The following PPP2R2B variants were observed in gnomAD, a reference collection of about 807,000 sequenced individuals.
PPP2R2B encodes the protein serine/threonine-protein phosphatase 2A 55 kDa regulatory subunit B beta isoform.
In PPP2R2B, 5 loss-of-function variants were observed where a neutral mutation model predicts 46.0. The ratio of observed to expected loss-of-function variants is 0.11; its 90% CI spans 0.06 to 0.23. The LOEUF is 0.23. Ranked by LOEUF, PPP2R2B falls within the 10% of genes least tolerant of loss-of-function variation. The pLI is 1.00. For synonymous variants in PPP2R2B, 215 were observed against 206.7 expected (o/e 1.04, Z -0.34); for missense variants, 367 against 575.0 (o/e 0.64, Z 3.70).
intron 2 of PPP2R2B, among the ~76,000 whole-genome samples, chr5:146,761,357 C>T (rs1754153118): frequency 6.6e-6 from 1 of 152,160 alleles, no homozygotes; most frequent in Admixed American, 6.5e-5. Flanking sequence ...AGTTCATGTC[C>T]TTTGTAGGGA....
intron 1 of PPP2R2B, among the ~76,000 whole-genome samples, chr5:146,924,452 G>A (rs1012844483): frequency 5.9e-5 from 9 of 152,010 alleles, no homozygotes; most frequent in Non-Finnish European, 1.2e-4. Flanking sequence ...GTGAAGGATG[G>A]GCCCTTCCCA....
At chr5:146,617,222 TG>T (rs1265383747) in intron 7 of PPP2R2B, among the ~76,000 whole-genome samples, 2 of 151,910 alleles carry the variant, frequency 1.3e-5, no homozygotes, top group African/African-American at 4.8e-5. Flanking sequence ...TACCAGAGGT[TG>T]GGGGGCAGGG....
chr5:146,998,411 T>TTGCCAGCCC (rs1754016764), intron 1 of PPP2R2B, among the ~76,000 whole-genome samples: 1 of 152,148 alleles, frequency 6.6e-6, no homozygotes, highest in African/African-American at 2.4e-5. Flanking sequence ...GCCTATGAAA[T>TTGCCAGCCC]TGCCAGCCCA....
chr5:146,902,837 A>T (rs1762878633), intron 1 of PPP2R2B, among the ~76,000 whole-genome samples: 1 of 152,232 alleles, frequency 6.6e-6, no homozygotes, highest in South Asian at 2.1e-4. Context: ...GCTACACTGG[A>T]ATCAGTTTAT....
chr5:146,702,056 TAAAAAA>T (rs3062308), intron 2 of PPP2R2B, among the ~76,000 whole-genome samples: 2 of 129,992 alleles, frequency 1.5e-5, no homozygotes, highest in African/African-American at 5.7e-5. Flanking sequence ...GCAAATGAGT[TAAAAAA>T]AAAAAAAAAA....
chr5:146,667,079 T>G (rs1338629466), intron 5 of PPP2R2B, among the ~76,000 whole-genome samples: 1 of 152,116 alleles, frequency 6.6e-6, no homozygotes, highest in Non-Finnish European at 1.5e-5. Context: ...ATTGGATTTT[T>G]CTGTCTAATA....
At chr5:146,631,001 T>C (rs1230740137) in intron 7 of PPP2R2B, among the ~76,000 whole-genome samples, 1 of 152,214 alleles carries the variant, frequency 6.6e-6, no homozygotes. Flanking sequence ...ACTATGTTGA[T>C]TTGCCTCCCC....
Position 147,026,628 on chromosome 5 carries a change from C to T in PPP2R2B, c.79+29037G>A, listed in dbSNP as rs77652975. 9.2e-3 allele frequency among the ~76,000 whole-genome samples: 1,392 copies of T among 152,116 alleles called. 62 individuals are homozygous for T. The East Asian group carries it at 0.14, about 16-fold the overall frequency. On this transcript the variant is annotated intron_variant, in intron 1 of 8. Coordinates refer to the PPP2R2B transcript ENST00000336640. ...CTATACCTCAACAAATTTAAAAAGT[C>T]ATTTTAAATAGATAACTATTTAAAT...
At chr5:146,875,310 G>A (rs1043348948) in intron 2 of PPP2R2B, among the ~76,000 whole-genome samples, 1 of 151,972 alleles carries the variant, frequency 6.6e-6, no homozygotes, top group African/African-American at 2.4e-5. Flanking sequence ...GGGGAGGGTG[G>A]TAATTTTCAT....
chr5:146,795,426 A>G (rs1351809576), intron 2 of PPP2R2B, among the ~76,000 whole-genome samples: 2 of 152,168 alleles, frequency 1.3e-5, no homozygotes, highest in African/African-American at 4.8e-5. Context: ...AATGAAATGA[A>G]CCACACACAG....
At chr5:146,833,993 G>A (rs988579208) in intron 2 of PPP2R2B, among the ~76,000 whole-genome samples, 1 of 152,052 alleles carries the variant, frequency 6.6e-6, no homozygotes, top group Non-Finnish European at 1.5e-5. Flanking sequence ...GTTACCTAAC[G>A]TGGCTCTAAA....
intron 2 of PPP2R2B, among the ~76,000 whole-genome samples, chr5:146,704,396 G>A (rs1779712492): frequency 6.6e-6 from 1 of 152,178 alleles, no homozygotes; most frequent in African/African-American, 2.4e-5. Flanking sequence ...AATTCATCAA[G>A]TTCAACATGG....
intron 1 of PPP2R2B, among the ~76,000 whole-genome samples, chr5:146,934,782 G>A: frequency 6.6e-6 from 1 of 151,586 alleles, no homozygotes; most frequent in East Asian, 1.9e-4. Flanking sequence ...TGATTGAAAG[G>A]TGTTGCTGAG....
rs115796895 is a variant in PPP2R2B, at chr5:146,892,404, G to A, written c.79+163261C>T. On this transcript the variant is annotated intron_variant, in intron 1 of 8. Coordinates refer to the PPP2R2B transcript ENST00000336640. ...TCCTGTAAACCCTTCCCTAGCTTCTGCAGGCTACAAATAGCTCTTGCTAAG... is the reference window on the plus strand; with the variant it reads ...TCCTGTAAACCCTTCCCTAGCTTCTACAGGCTACAAATAGCTCTTGCTAAG... Among the ~76,000 whole-genome samples, 247 of 152,276 alleles carry A rather than the reference G, an allele frequency of 1.6e-3. 3 individuals are homozygous for A. The highest frequency in any genetic ancestry group is 5.3e-3 in the African/African-American group (221 of 41,562).
At chr5:146,950,723 C>G (rs1237331789) in intron 1 of PPP2R2B, among the ~76,000 whole-genome samples, 2 of 151,958 alleles carry the variant, frequency 1.3e-5, no homozygotes, top group Admixed American at 1.3e-4. Flanking sequence ...TCCCAGATGC[C>G]AAGACAGACC....
At chr5:146,626,673 C>T (rs1266633503) in intron 7 of PPP2R2B, among the ~76,000 whole-genome samples, 1 of 152,056 alleles carries the variant, frequency 6.6e-6, no homozygotes, top group African/African-American at 2.4e-5. Flanking sequence ...GTAAGTTGGC[C>T]TAAAATGTCC....
intron 5 of PPP2R2B, among the ~76,000 whole-genome samples, chr5:146,686,844 T>C (rs990069611): frequency 1.3e-5 from 2 of 152,162 alleles, no homozygotes; most frequent in African/African-American, 4.8e-5. Flanking sequence ...TAAGTCACTT[T>C]AACGATGAGC....
At position 146,701,031 on chromosome 5, in the gene PPP2R2B, T is replaced by G. The variant is rs776071606; in HGVS notation, c.168+14A>C. The stretch of plus-strand genomic sequence containing the variant: ...AGTGAAGAAAATGGGCATTTTGCAT[T>G]CACCACCACTTACCTCCTGCTCTCG... On this transcript the variant is annotated intron_variant, in intron 3 of 9. Coordinates refer to ENST00000394411, the MANE Select transcript of PPP2R2B (RefSeq NM_181675.4). The G allele has an allele frequency of 1.3e-6, 2 of 1,595,804 alleles. No homozygotes were observed. Among genetic ancestry groups the G allele is most frequent in the South Asian group, 2.2e-5 (2 of 90,668 alleles).
intron 1 of PPP2R2B, among the ~76,000 whole-genome samples, chr5:146,947,520 T>A (rs1468012157): frequency 6.6e-6 from 1 of 152,072 alleles, no homozygotes; most frequent in Non-Finnish European, 1.5e-5. Context: ...GGCTTGGAGC[T>A]GCAGCCAGAG....
Sources: allele counts gnomAD v4.1 joint callset (sites outside exome capture counted in the v4.1 genomes callset), GRCh38; gene constraint gnomAD v4.1.1; transcripts MANE v1.5; gene names NCBI Gene and HGNC (gene_info 2026-07-23, HGNC 2026-07-21).